LDLRAD4: variants seen among roughly 807,000 people sequenced by gnomAD.
The protein encoded by LDLRAD4 is low-density lipoprotein receptor class A domain-containing protein 4.
LDLRAD4 carries 5 observed loss-of-function variants against 17.0 expected under a neutral mutation model. The ratio of observed to expected loss-of-function variants is 0.29; its 90% confidence interval spans 0.15 to 0.62. The LOEUF is 0.62. Ranked by LOEUF, LDLRAD4 falls within the 20% of genes least tolerant of loss-of-function variation. LDLRAD4 has a pLI of 0.84. For missense variants in LDLRAD4, 340 were observed against 424.7 expected (o/e 0.80, Z 1.75); for synonymous variants, 168 against 171.8 (o/e 0.98, Z 0.17).
rs542271380 is a variant in LDLRAD4 at position 13,550,965 on chromosome 18, C to T, written c.182-70152C>T. On this transcript the variant is annotated intron_variant, in intron 3 of 5. Transcript: ENST00000359446. ...GCCACACCACCCTCCAGTCATGCCC[C>T]CTCTGTGCTCATTCTCATCACCCAG... Among the ~76,000 whole-genome samples, 5 of 152,254 alleles carry T rather than the reference C, an allele frequency of 3.3e-5. No individual in the cohort carries two copies. The South Asian group carries it at 1.0e-3, about 32-fold the overall frequency.
At chr18:13,427,548 G>A (rs79061269) in intron 2 of LDLRAD4, 1 of 152,328 alleles carries the variant, frequency 6.6e-6, no homozygotes, top group Non-Finnish European at 1.5e-5. Context: ...GGAGCTGGCT[G>A]TTTCCTGAAT....
intron 3 of LDLRAD4, among the ~76,000 whole-genome samples, chr18:13,590,664 G>T (rs1340111248): frequency 6.6e-6 from 1 of 152,112 alleles, no homozygotes; most frequent in Non-Finnish European, 1.5e-5. Context: ...CTTGTTTCTT[G>T]TGCGTGATTA....
chr18:13,435,719 G>A (rs1424861484), intron 2 of LDLRAD4, among the ~76,000 whole-genome samples: 1 of 152,208 alleles, frequency 6.6e-6, no homozygotes, highest in East Asian at 1.9e-4. Context: ...AGTGTGGAGA[G>A]TGTAGGTATG....
At chr18:13,438,720 A>G (rs1421814756) in intron 3 of LDLRAD4, among the ~76,000 whole-genome samples, 1 of 152,256 alleles carries the variant, frequency 6.6e-6, no homozygotes, top group African/African-American at 2.4e-5. Flanking sequence ...AAGCAAAGAA[A>G]GATATGTGGA....
intron 3 of LDLRAD4, among the ~76,000 whole-genome samples, chr18:13,545,042 T>G (rs1187646304): frequency 6.6e-6 from 1 of 152,100 alleles, no homozygotes; most frequent in Admixed American, 6.5e-5. Flanking sequence ...AGTCCCAAAG[T>G]TTTAACGGCC....
chr18:13,359,570 G>C (rs1406961211), intron 1 of LDLRAD4, among the ~76,000 whole-genome samples: 1 of 151,928 alleles, frequency 6.6e-6, no homozygotes, highest in African/African-American at 2.4e-5. Context: ...TGTTCCATTT[G>C]CTATGTAATA....
intron 1 of LDLRAD4, among the ~76,000 whole-genome samples, chr18:13,354,721 T>C (rs1255511820): frequency 2.0e-5 from 3 of 152,228 alleles, no homozygotes; most frequent in South Asian, 2.1e-4. Context: ...AGTTAAACTT[T>C]CTTTTAAAAT....
chr18:13,641,895 C>T (rs1436028062), intron 4 of LDLRAD4: 4 of 985,406 alleles, frequency 4.1e-6, no homozygotes, highest in Non-Finnish European at 4.8e-6. Flanking sequence ...CTGAGTGCCC[C>T]GCAGATGGAC....
At chr18:13,453,849 A>G (rs1225649478) in intron 3 of LDLRAD4, among the ~76,000 whole-genome samples, 1 of 152,172 alleles carries the variant, frequency 6.6e-6, no homozygotes, top group Non-Finnish European at 1.5e-5. Flanking sequence ...GACAATAATG[A>G]CGCAATGTGT....
intron 1 of LDLRAD4, among the ~76,000 whole-genome samples, chr18:13,326,832 G>A (rs1483165133): frequency 6.6e-6 from 1 of 151,712 alleles, no homozygotes; most frequent in Admixed American, 6.6e-5. Context: ...GCAATGGCAC[G>A]ATCTTGGCTC....
chr18:13,393,710 C>A (rs988936735), intron 2 of LDLRAD4, among the ~76,000 whole-genome samples: 1 of 152,114 alleles, frequency 6.6e-6, no homozygotes, highest in African/African-American at 2.4e-5. Flanking sequence ...TCCCTTGCCC[C>A]AAAACTTTCC....
At position 13,622,393 on chromosome 18, in the gene LDLRAD4, G is replaced by A. The variant is rs1402654573; in HGVS notation, c.336+1122G>A. On this transcript the variant is annotated intron_variant, in intron 4 of 5. Transcript: ENST00000359446. This position sits in a 1 kb window ranked among gnomAD's most constrained non-coding sequence, Gnocchi z 5.3. The stretch of plus-strand genomic sequence containing the variant: ...GAGTGCTATCTTCAGACCATGGTGA[G>A]GGCTAGACGGGGCAGCCTCGGGGAG... Among the ~76,000 whole-genome samples the A allele has an allele frequency of 6.6e-6, 1 of 152,214 alleles. No individual in the cohort carries two copies. The highest frequency in any genetic ancestry group is 1.5e-5 in the Non-Finnish European group (1 of 68,042).
chr18:13,306,496 T>G (rs1421043983), intron 1 of LDLRAD4, among the ~76,000 whole-genome samples: 1 of 152,218 alleles, frequency 6.6e-6, no homozygotes, highest in Middle Eastern at 3.2e-3. Flanking sequence ...ATGGTCTATT[T>G]GCCCTCAAAT....
chr18:13,293,878 G>A (rs556810315), intron 1 of LDLRAD4, among the ~76,000 whole-genome samples: 2 of 152,114 alleles, frequency 1.3e-5, no homozygotes, highest in South Asian at 2.1e-4. Context: ...TCCAGAAAAC[G>A]CTTTGTTCCT....
intron 1 of LDLRAD4, among the ~76,000 whole-genome samples, chr18:13,376,354 G>A (rs531133258): frequency 3.3e-5 from 5 of 152,280 alleles, no homozygotes; most frequent in South Asian, 4.1e-4. Context: ...AGGCTGGCGC[G>A]GCCCACGGTC....
rs1156334937 is a variant in LDLRAD4, at chr18:13,621,592, GC to G, written c.336+323del. Among the ~76,000 whole-genome samples the G allele has an allele frequency of 1.3e-5, 2 of 152,200 alleles. No homozygotes were observed. Among genetic ancestry groups the G allele is most frequent in the African/African-American group, 4.8e-5 (2 of 41,456 alleles). ...GGACCGGCCCTGGGTGGTCCCTCGT[GC>G]CTGGCTCCTCTGGCTTGGCAGTGCA... On this transcript the variant is annotated intron_variant, in intron 4 of 5. Coordinates refer to ENST00000359446, the Ensembl canonical transcript of LDLRAD4. The surrounding 1 kb of genome is among the most constrained non-coding windows in gnomAD (Gnocchi z 5.5).
At chr18:13,369,760 A>C (rs2084323403) in intron 1 of LDLRAD4, among the ~76,000 whole-genome samples, 1 of 152,134 alleles carries the variant, frequency 6.6e-6, no homozygotes, top group South Asian at 2.1e-4. Flanking sequence ...TCTTTAGATA[A>C]ATATCCTTTC....
intron 1 of LDLRAD4, among the ~76,000 whole-genome samples, chr18:13,223,916 C>T (rs965247262): frequency 3.9e-5 from 6 of 152,206 alleles, no homozygotes; most frequent in Admixed American, 3.9e-4. Context: ...TGGGATCTGC[C>T]TCTGGAGCTA....
intron 3 of LDLRAD4, among the ~76,000 whole-genome samples, chr18:13,596,540 G>T (rs1288967702): frequency 6.6e-6 from 1 of 152,098 alleles, no homozygotes; most frequent in Non-Finnish European, 1.5e-5. Context: ...TCTAGTGTGA[G>T]ATATATACAT....
Sources: gnomAD v4.1 joint callset for allele counts (sites outside exome capture counted in the v4.1 genomes callset) on GRCh38, gnomAD v4.1.1 for gene constraint, Gnocchi (gnomAD v3.1) non-coding constraint, MANE v1.5 for transcripts, NCBI Gene and HGNC (gene_info 2026-07-23, HGNC 2026-07-21) for gene names.